The following DYNC2H1 variants were observed in gnomAD, a reference collection of about 807,000 sequenced individuals.
DYNC2H1 encodes cytoplasmic dynein 2 heavy chain 1.
DYNC2H1 carries 410 observed loss-of-function variants against 570.0 expected under a neutral mutation model. That is an observed-to-expected ratio of 0.72 (90% confidence interval 0.66 to 0.78). The LOEUF is 0.78. DYNC2H1 is among the 30% of genes least tolerant of loss of function. DYNC2H1 has a pLI of 0.00. For synonymous variants in DYNC2H1, 1,688 were observed against 1,677.6 expected (o/e 1.01, Z -0.15); for missense variants, 4,865 against 5,046.4 (o/e 0.96, Z 1.09).
chr11:103,180,194 A>G (rs769464227), intron 39 of DYNC2H1, among the ~76,000 whole-genome samples: 1 of 151,696 alleles, frequency 6.6e-6, no homozygotes, highest in Non-Finnish European at 1.5e-5. Context: ...TTGTGTTATA[A>G]TCTTGTGAGA....
chr11:103,427,950 G>C (rs1483056371), intron 84 of DYNC2H1, among the ~76,000 whole-genome samples: 1 of 151,508 alleles, frequency 6.6e-6, no homozygotes, highest in African/African-American at 2.4e-5. Context: ...AACAGAACCA[G>C]ATTATAATAT....
chr11:103,446,557 G>A lies in DYNC2H1; in HGVS notation c.12457-8629G>A, dbSNP rs1247005315. Among the ~76,000 whole-genome samples the A allele has an allele frequency of 6.6e-6, 1 of 152,074 alleles. No individual in the cohort carries two copies. The highest frequency in any genetic ancestry group is 1.5e-5 in the Non-Finnish European group (1 of 67,996). On this transcript the variant is annotated intron_variant, in intron 85 of 88. Coordinates refer to ENST00000375735, the MANE Select transcript of DYNC2H1 (RefSeq NM_001377.3). This position sits in a 1 kb window ranked among gnomAD's most constrained non-coding sequence, Gnocchi z 4.5. ...CATATGAGTTTAAAAAAGAATAAGG[G>A]GTGAAGTTGAGACAGCAAATATAGA...
At chr11:103,184,355 C>T (rs550605411) in intron 40 of DYNC2H1, among the ~76,000 whole-genome samples, 16 of 151,880 alleles carry the variant, frequency 1.1e-4, no homozygotes, top group Non-Finnish European at 2.2e-4. Flanking sequence ...AGACTGAGAG[C>T]CATTTTTTCT....
chr11:103,225,528 T>C (rs898362413), intron 59 of DYNC2H1, among the ~76,000 whole-genome samples: 1 of 152,176 alleles, frequency 6.6e-6, no homozygotes, highest in Non-Finnish European at 1.5e-5. Context: ...CTACTCTATG[T>C]TTTTGTTTAC....
At chr11:103,212,270 T>C (rs1863187177) in intron 54 of DYNC2H1, among the ~76,000 whole-genome samples, 1 of 151,998 alleles carries the variant, frequency 6.6e-6, no homozygotes, top group Admixed American at 6.6e-5. Flanking sequence ...CAGCATAAGA[T>C]GATACAGTGG....
In DYNC2H1 at chr11:103,209,783, T is replaced by C. The variant is rs774971428; in HGVS notation, c.8455-93T>C. 7.3e-6 allele frequency: 7 copies of C among 956,322 alleles called. No individual in the cohort carries two copies. Among genetic ancestry groups the C allele is most frequent in the Non-Finnish European group, 9.8e-6 (7 of 715,978 alleles). The allele number at this position is 956,322 out of a possible 1,614,324, so 59.2% of individuals were successfully genotyped here. A position where few individuals can be genotyped will look rare whatever the true frequency, so the allele number is the denominator to read the frequency against. ...TCTGGAATGAATCCTAGAAGAAAAG[T>C]ACAATCAATACTGACTTTTTTTGTA... is the stretch of plus-strand genomic sequence containing the variant. On this transcript the variant is annotated intron_variant, in intron 52 of 88. Transcript: ENST00000375735. The surrounding 1 kb of genome is among the most constrained non-coding windows in gnomAD (Gnocchi z 4.2).
Position 103,189,611 on chromosome 11 carries a change from G to A in DYNC2H1, c.7293-61G>A, listed in dbSNP as rs1591381884. The A allele has an allele frequency of 6.6e-7, 1 of 1,525,554 alleles. No individual in the cohort carries two copies. Among genetic ancestry groups the A allele is most frequent in the Non-Finnish European group, 9.0e-7 (1 of 1,112,864 alleles). The allele number at this position is 1,525,554 out of a possible 1,614,324, so 94.5% of individuals were successfully genotyped here. On this transcript the variant is annotated intron_variant, in intron 44 of 88. Transcript: ENST00000375735. The surrounding 1 kb of genome is among the most constrained non-coding windows in gnomAD (Gnocchi z 4.3). The stretch of plus-strand genomic sequence containing the variant: ...AAAACCACTGTTGTAACTTAACATT[G>A]AAATATTAATTTGGAATACTGATTT...
At chr11:103,421,766 A>T (rs1467364591) in intron 84 of DYNC2H1, among the ~76,000 whole-genome samples, 4 of 152,192 alleles carry the variant, frequency 2.6e-5, no homozygotes, top group Non-Finnish European at 1.5e-5. Flanking sequence ...GAAAGATCTC[A>T]AGTTAACAAC....
At position 103,244,506 on chromosome 11, in the gene DYNC2H1, T is replaced by C. The variant is rs916896289; in HGVS notation, c.9918+715T>C. Among the ~76,000 whole-genome samples the C allele has an allele frequency of 6.0e-5, 9 of 149,736 alleles. No individual in the cohort carries two copies. The highest frequency in any genetic ancestry group is 1.3e-4 in the Non-Finnish European group (9 of 67,384). ...GAATAATTATAAATTAAATAATATA[T>C]AAAATACTTTAATAATCATTTATGG... On this transcript the variant is annotated intron_variant, in intron 64 of 88. Coordinates refer to ENST00000375735, the MANE Select transcript of DYNC2H1 (RefSeq NM_001377.3). This position sits in a 1 kb window ranked among gnomAD's most constrained non-coding sequence, Gnocchi z 4.3.
intron 21 of DYNC2H1, 67 bp downstream of exon 21, chr11:103,152,352 T>C: frequency 7.1e-7 from 1 of 1,406,480 alleles, no homozygotes. Context: ...TTGCTTATCT[T>C]TTATTCCTTT....
In DYNC2H1 at chr11:103,177,574, T is replaced by A. The variant is rs749836979; in HGVS notation, c.5893T>A (p.Leu1965Met). Reference sequence around the variant, plus strand: ...CTACTAGATCAAAAAGGCTTTAGAATTGTATGAACAGTTATGCCAGAGGAT... The same window carrying A: ...CTACTAGATCAAAAAGGCTTTAGAAATGTATGAACAGTTATGCCAGAGGAT... ...IPNQIKKALE[L>M]YEQLCQRMGV... Residue 1965 changes from leucine (L) to methionine (M), a missense_variant, in exon 38 of 89, where the codon TTG (leucine) becomes ATG (methionine). Around this residue, in one of 5 missense-constraint regions of DYNC2H1, gnomAD observed 292 missense variants for 300.2 expected, o/e 0.97. Coordinates refer to ENST00000375735, the MANE Select transcript of DYNC2H1 (RefSeq NM_001377.3). This position sits in a 1 kb window ranked among gnomAD's most constrained non-coding sequence, Gnocchi z 4.4. 2 of 1,608,928 alleles carry A rather than the reference T, an allele frequency of 1.2e-6. No homozygotes were observed. Among genetic ancestry groups the A allele is most frequent in the Non-Finnish European group, 1.7e-6 (2 of 1,178,518 alleles).
intron 75 of DYNC2H1, among the ~76,000 whole-genome samples, chr11:103,300,869 G>A (rs547461356): frequency 6.3e-4 from 96 of 151,242 alleles, no homozygotes; most frequent in Non-Finnish European, 1.2e-3. Flanking sequence ...GTACTGGCAT[G>A]TATTTTCCAA....
intron 82 of DYNC2H1, among the ~76,000 whole-genome samples, chr11:103,351,726 T>A (rs777361699): frequency 3.3e-5 from 5 of 152,198 alleles, no homozygotes; most frequent in Non-Finnish European, 5.9e-5. Context: ...GGAGTAAGAC[T>A]GGTCTTTGAA....
At position 103,310,199 on chromosome 11, in the gene DYNC2H1, A is replaced by G. The variant is rs546016258; in HGVS notation, c.11494-1679A>G. Among the ~76,000 whole-genome samples, 61 of 151,552 alleles carry G rather than the reference A, an allele frequency of 4.0e-4. 1 individual carries two copies. The highest frequency in any genetic ancestry group is 6.9e-3 in the Middle Eastern group (2 of 288). On this transcript the variant is annotated intron_variant, in intron 78 of 88. Coordinates refer to ENST00000375735, the MANE Select transcript of DYNC2H1 (RefSeq NM_001377.3). ...TATACTTATGAATTTGCTTTTTCTTATTCTTTTCATTTCACCGAATTTTCT... is the reference window on the plus strand; with the variant it reads ...TATACTTATGAATTTGCTTTTTCTTGTTCTTTTCATTTCACCGAATTTTCT...
rs1862662377 is a variant in DYNC2H1, at chr11:103,200,169, T to G, written c.8197+15T>G. ...TTTGTCTTCAGGCAAGTGAACAGTT[T>G]CTTTTCGAAGAAAATAAAAATAATG... On this transcript the variant is annotated intron_variant, in intron 50 of 88. Transcript: ENST00000375735. The G allele has an allele frequency of 6.8e-7, 1 of 1,472,636 alleles. No individual in the cohort carries two copies. The highest frequency in any genetic ancestry group is 9.2e-7 in the Non-Finnish European group (1 of 1,091,068). 91.2% of individuals were successfully genotyped at this position (1,472,636 alleles called of 1,614,324 possible).
Position 103,461,409 on chromosome 11 carries a change from T to C in DYNC2H1, c.12648+5053T>C, listed in dbSNP as rs1427053606. On this transcript the variant is annotated intron_variant, in intron 87 of 88. Coordinates refer to ENST00000375735, the MANE Select transcript of DYNC2H1 (RefSeq NM_001377.3). This position sits in a 1 kb window ranked among gnomAD's most constrained non-coding sequence, Gnocchi z 4.8. ...CTTTAGACCTACTTGAGAGAACATATTTATGTATTGATTTTCAGTTCCTGA... is the reference window on the plus strand; with the variant it reads ...CTTTAGACCTACTTGAGAGAACATACTTATGTATTGATTTTCAGTTCCTGA... Among the ~76,000 whole-genome samples, 3 of 152,220 alleles carry C rather than the reference T, an allele frequency of 2.0e-5. No individual in the cohort carries two copies. The highest frequency in any genetic ancestry group is 4.4e-5 in the Non-Finnish European group (3 of 68,036).
intron 18 of DYNC2H1, 59 bp downstream of exon 18, chr11:103,143,454 G>A: frequency 6.7e-7 from 1 of 1,488,688 alleles, no homozygotes; most frequent in South Asian, 1.5e-5. Flanking sequence ...TGGACAGTAA[G>A]GGAGCTCTCT....
At chr11:103,474,292 A>C (rs562615467) in intron 88 of DYNC2H1, among the ~76,000 whole-genome samples, 1 of 152,192 alleles carries the variant, frequency 6.6e-6, no homozygotes, top group Admixed American at 6.5e-5. Context: ...CTACTTGTAC[A>C]TACATTAGAA....
chr11:103,109,505 C>A lies in DYNC2H1; in HGVS notation c.-70C>A. Reference sequence around the variant, plus strand: ...GGTTTGAGCAAAGCTCCTCTCTTCCCTTCACTTCCCTCCGGACTGGTTTCT... The same window carrying A: ...GGTTTGAGCAAAGCTCCTCTCTTCCATTCACTTCCCTCCGGACTGGTTTCT... On this transcript the variant is annotated 5_prime_UTR_variant, in exon 1 of 89. Coordinates refer to ENST00000375735, the MANE Select transcript of DYNC2H1 (RefSeq NM_001377.3). 1 of 1,455,186 alleles carries A rather than the reference C, an allele frequency of 6.9e-7. No homozygotes were observed. The highest frequency in any genetic ancestry group is 1.3e-5 in the South Asian group (1 of 79,462). 90.1% of individuals were successfully genotyped at this position (1,455,186 alleles called of 1,614,324 possible). A position where few individuals can be genotyped will look rare whatever the true frequency, so the allele number is the denominator to read the frequency against.
Sources: gnomAD v4.1 joint callset for allele counts (sites outside exome capture counted in the v4.1 genomes callset) on GRCh38, gnomAD v4.1.1 for gene constraint, gnomAD v4.1.1 regional missense constraint, Gnocchi (gnomAD v3.1) non-coding constraint, MANE v1.5 for transcripts, NCBI Gene and HGNC (gene_info 2026-07-23, HGNC 2026-07-21) for gene names.